The following CAMTA1 variants were observed in gnomAD, a reference collection of about 807,000 sequenced individuals.
CAMTA1 encodes calmodulin-binding transcription activator 1.
In CAMTA1, 27 loss-of-function variants were observed where a neutral mutation model predicts 170.9. The ratio of observed to expected loss-of-function variants is 0.16; its 90% CI spans 0.12 to 0.22. The LOEUF is 0.22. Ranked by LOEUF, CAMTA1 falls within the 10% of genes least tolerant of loss-of-function variation. The pLI is 1.00. For synonymous variants in CAMTA1, 833 were observed against 891.5 expected, an observed-to-expected ratio of 0.93 and a Z score of 1.17; for missense variants, 1,619 against 2,217.2, an observed-to-expected ratio of 0.73 and a Z score of 5.42.
intron 3 of CAMTA1, among the ~76,000 whole-genome samples, chr1:6,982,581 T>TCCACAGGGATCCTCGCTCAGCCC (rs1694619922): frequency 6.6e-6 from 1 of 152,178 alleles, no homozygotes; most frequent in Admixed American, 6.5e-5. Context: ...CCTTAGCTAC[T>TCCACAGGGATCCTCGCTCAGCCC]TCTTAAGTGT....
Position 7,299,169 on chromosome 1 carries a change from T to C in CAMTA1, c.438+49543T>C, listed in dbSNP as rs929288970. Reference sequence around the variant, plus strand: ...ATGTGCTGGAGGTGGGGAGACCTGATTCCCTGCCTAGTGCTTCCTTCGTTT... The same window carrying C: ...ATGTGCTGGAGGTGGGGAGACCTGACTCCCTGCCTAGTGCTTCCTTCGTTT... On this transcript the variant is annotated intron_variant, in intron 5 of 22. Coordinates refer to ENST00000303635, the MANE Select transcript of CAMTA1 (RefSeq NM_015215.4). This position sits in a 1 kb window ranked among gnomAD's most constrained non-coding sequence, Gnocchi z 4.7. Among the ~76,000 whole-genome samples, 4 of 152,216 alleles carry C rather than the reference T, an allele frequency of 2.6e-5. No individual in the cohort carries two copies. The highest frequency in any genetic ancestry group is 6.5e-5 in the Admixed American group (1 of 15,286).
At chr1:7,112,587 G>A (rs560802272) in intron 4 of CAMTA1, among the ~76,000 whole-genome samples, 10 of 152,332 alleles carry the variant, frequency 6.6e-5, no homozygotes, top group East Asian at 3.9e-4. Context: ...GACACCCAGC[G>A]GATGTTGGCT....
chr1:7,619,599 C>T (rs1041680192), intron 6 of CAMTA1, among the ~76,000 whole-genome samples: 1 of 152,152 alleles, frequency 6.6e-6, no homozygotes, highest in African/African-American at 2.4e-5. Flanking sequence ...ATGAGATTCA[C>T]TCGCCACTGC....
Position 7,510,551 on chromosome 1 carries a change from A to C in CAMTA1, c.510+42650A>C, listed in dbSNP as rs1476652245. On this transcript the variant is annotated intron_variant, in intron 6 of 22. Transcript: ENST00000303635. ...ACTATGACTGCGATGGGCAGAGCCC[A>C]GTCTGCCACAGGCACTGGAGAAGGA... Among the ~76,000 whole-genome samples the C allele has an allele frequency of 1.4e-5, 2 of 146,768 alleles. 1 individual carries two copies. The highest frequency in any genetic ancestry group is 4.4e-4 in the East Asian group (2 of 4,580).
intron 3 of CAMTA1, among the ~76,000 whole-genome samples, chr1:7,089,785 C>T (rs1572957995): frequency 6.6e-6 from 1 of 152,092 alleles, no homozygotes; most frequent in East Asian, 1.9e-4. Flanking sequence ...GCCAGTGCCA[C>T]CCAGGCAAGC....
At chr1:7,597,042 C>T (rs1334948767) in intron 6 of CAMTA1, among the ~76,000 whole-genome samples, 2 of 152,130 alleles carry the variant, frequency 1.3e-5, no homozygotes, top group African/African-American at 4.8e-5. Flanking sequence ...ACATTGTTGG[C>T]ATCTTCATCC....
intron 3 of CAMTA1, among the ~76,000 whole-genome samples, chr1:6,905,642 A>G (rs1376430146): frequency 6.6e-6 from 1 of 152,128 alleles, no homozygotes; most frequent in African/African-American, 2.4e-5. Context: ...AAGGCTTCAC[A>G]TTCAAGTTTC....
At chr1:7,089,907 T>C (rs1318754793) in intron 3 of CAMTA1, among the ~76,000 whole-genome samples, 1 of 152,134 alleles carries the variant, frequency 6.6e-6, no homozygotes, top group Non-Finnish European at 1.5e-5. Context: ...AAATAACACG[T>C]AAAAAGGCTC....
chr1:7,258,962 AATC>A (rs1408505151), intron 5 of CAMTA1, among the ~76,000 whole-genome samples: 1 of 152,190 alleles, frequency 6.6e-6, no homozygotes, highest in Non-Finnish European at 1.5e-5. Context: ...CCGGGGCAAA[AATC>A]ATGAGGAAAA....
intron 5 of CAMTA1, among the ~76,000 whole-genome samples, chr1:7,310,612 C>T (rs537120333): frequency 1.6e-3 from 5 of 3,106 alleles, no homozygotes; most frequent in African/African-American, 8.8e-3. Flanking sequence ...TTCTTTCTTT[C>T]TTTCTTTCTT....
intron 6 of CAMTA1, among the ~76,000 whole-genome samples, chr1:7,515,541 T>C (rs750453115): frequency 2.0e-5 from 3 of 152,138 alleles, no homozygotes; most frequent in Non-Finnish European, 2.9e-5. Flanking sequence ...TGGGCACAGC[T>C]GAGTTTAAAC....
rs1697505677 is a variant in CAMTA1, at chr1:6,997,664, T to TC, written c.235-93640_235-93639insC. Among the ~76,000 whole-genome samples, 9 of 148,098 alleles carry TC rather than the reference T, an allele frequency of 6.1e-5. No individual in the cohort carries two copies. The South Asian group carries it at 1.9e-3, about 31-fold the overall frequency. The stretch of plus-strand genomic sequence containing the variant: ...CATATTTCCTTTCTTTTCTTTCTTT[T>TC]TTTTTTTTTTTTTGAGACAGAGTTT... On this transcript the variant is annotated intron_variant, in intron 3 of 22. Transcript: ENST00000303635.
At chr1:6,933,108 A>G (rs964698862) in intron 3 of CAMTA1, among the ~76,000 whole-genome samples, 1 of 151,416 alleles carries the variant, frequency 6.6e-6, no homozygotes. Flanking sequence ...TCTTGCTATG[A>G]TGCCCAGGCT....
chr1:7,410,897 CTGTGTGTG>C (rs35763888), intron 5 of CAMTA1, among the ~76,000 whole-genome samples: 10,709 of 141,476 alleles, frequency 0.076, 1,037 homozygotes, highest in African/African-American at 0.22. Flanking sequence ...GGGTGGGCGT[CTGTGTGTG>C]TGTGTGTGTG....
chr1:7,747,924 T>TA, intron 19 of CAMTA1, 143 bp downstream of exon 19: 1 of 567,234 alleles, frequency 1.8e-6, no homozygotes, highest in Non-Finnish European at 3.0e-6. Flanking sequence ...TTTTTTATTT[T>TA]TTTTTTGAAA....
chr1:6,835,118 A>G (rs1445842101), intron 3 of CAMTA1, among the ~76,000 whole-genome samples: 2 of 152,168 alleles, frequency 1.3e-5, no homozygotes, highest in Admixed American at 1.3e-4. Flanking sequence ...TCAAGTTTCT[A>G]TACCTGTCCA....
At chr1:7,759,137 A>G (rs1404166417) in intron 22 of CAMTA1, among the ~76,000 whole-genome samples, 1 of 151,988 alleles carries the variant, frequency 6.6e-6, no homozygotes, top group Admixed American at 6.6e-5. Context: ...CAACAGAGTG[A>G]GACCCTGTCC....
At position 7,463,215 on chromosome 1, in the gene CAMTA1, T is replaced by C. The variant is rs998211612; in HGVS notation, c.439-4615T>C. On this transcript the variant is annotated intron_variant, in intron 5 of 22. Transcript: ENST00000303635. The surrounding 1 kb of genome is among the most constrained non-coding windows in gnomAD (Gnocchi z 4.7). ...CTAAGCATGCTCTGCTCAGGACGCC[T>C]TGGGTAAGTTGCTGAATCCTCTGCG... 6.6e-6 allele frequency among the ~76,000 whole-genome samples: 1 copy of C among 152,088 alleles called. No homozygotes were observed. Among genetic ancestry groups the C allele is most frequent in the African/African-American group, 2.4e-5 (1 of 41,414 alleles).
intron 3 of CAMTA1, among the ~76,000 whole-genome samples, chr1:6,952,852 A>G (rs1207986733): frequency 6.6e-6 from 1 of 152,174 alleles, no homozygotes; most frequent in Non-Finnish European, 1.5e-5. Context: ...AAAAACAAAA[A>G]TAAAAACAAT....
Sources: gnomAD v4.1 joint callset for allele counts (sites outside exome capture counted in the v4.1 genomes callset) on GRCh38, gnomAD v4.1.1 for gene constraint, Gnocchi (gnomAD v3.1) non-coding constraint, MANE v1.5 for transcripts, NCBI Gene and HGNC (gene_info 2026-07-23, HGNC 2026-07-21) for gene names.